Variants in UGT1A10 observed in about 807,000 individuals in gnomAD.
UGT1A10 encodes UDP glucuronosyltransferase family 1 member A10.
Under a neutral mutation model 45.8 loss-of-function variants are expected in UGT1A10, and 49 were observed. That is an observed-to-expected ratio of 1.07 (90% CI 0.85 to 1.36). The LOEUF (loss-of-function observed/expected upper bound fraction) is 1.36. Among genes scored for constraint, UGT1A10 ranks in the 40% most tolerant of loss-of-function variants. The pLI is 0.00. For synonymous variants in UGT1A10, 284 were observed against 249.7 expected, an observed-to-expected ratio of 1.14 and a Z score of -1.29; for missense variants, 745 against 668.6, an observed-to-expected ratio of 1.11 and a Z score of -1.26.
intron 1 of UGT1A10, among the ~76,000 whole-genome samples, chr2:233,749,576 ACT>A (rs1258073288): frequency 2.6e-5 from 4 of 151,762 alleles, no homozygotes; most frequent in African/African-American, 9.7e-5. Context: ...GAGGCCACTG[ACT>A]CTGTCTCAAC....
chr2:233,648,600 A>T (rs2073661987), intron 1 of UGT1A10, among the ~76,000 whole-genome samples: 1 of 149,408 alleles, frequency 6.7e-6, no homozygotes, highest in African/African-American at 2.5e-5. Context: ...AGCTGGGACT[A>T]CAGGTGCCTG....
At chr2:233,648,021 G>T (rs1477802213) in intron 1 of UGT1A10, 1 of 1,599,886 alleles carries the variant, frequency 6.3e-7, no homozygotes, top group Non-Finnish European at 8.5e-7. Flanking sequence ...GGCCAGAGGT[G>T]AGTTGGCAAC....
chr2:233,705,103 G>A (rs1056170321), intron 1 of UGT1A10, among the ~76,000 whole-genome samples: 8 of 150,714 alleles, frequency 5.3e-5, no homozygotes, highest in Non-Finnish European at 1.2e-4. Flanking sequence ...GCCATTGCAC[G>A]CCAGCCTGGG....
In UGT1A10 at chr2:233,729,706, A is replaced by G. The variant is rs765358278; in HGVS notation, c.856-37328A>G. 8 of 1,613,874 alleles carry G rather than the reference A, an allele frequency of 5.0e-6. No homozygotes were observed. The East Asian group carries it at 1.6e-4, about 31-fold the overall frequency. ...ACAGTGTCCAAACCCTTCCTCCTAT[A>G]TTCCTAGATTACTAACAACCAATTC... On this transcript the variant is annotated intron_variant, in intron 1 of 4. Transcript: ENST00000344644.
intron 1 of UGT1A10, among the ~76,000 whole-genome samples, chr2:233,639,503 G>T (rs1054995828): frequency 2.0e-5 from 3 of 152,180 alleles, no homozygotes; most frequent in Admixed American, 1.3e-4. Flanking sequence ...CATGCAGTTG[G>T]TTACATCTTG....
chr2:233,687,090 G>A (rs978778348), intron 1 of UGT1A10, among the ~76,000 whole-genome samples: 1 of 152,214 alleles, frequency 6.6e-6, no homozygotes, highest in Non-Finnish European at 1.5e-5. Context: ...TACTTCAGCT[G>A]TGACACTTGC....
In UGT1A10 at chr2:233,760,260, G is replaced by A. The variant is rs753448247; in HGVS notation, c.856-6774G>A. ...TATATATATATATAAGTAGGAGAGG[G>A]CGAACCTCTGGCAGGAGCAAAGGCG... On this transcript the variant is annotated intron_variant, in intron 1 of 4. Coordinates refer to ENST00000344644, the MANE Select transcript of UGT1A10 (RefSeq NM_019075.4). 3.1e-6 allele frequency: 5 copies of A among 1,611,260 alleles called. 1 individual carries two copies. Among genetic ancestry groups the A allele is most frequent in the South Asian group, 2.2e-5 (2 of 90,906 alleles).
intron 1 of UGT1A10, among the ~76,000 whole-genome samples, chr2:233,724,261 G>C (rs1182689801): frequency 8.1e-5 from 8 of 98,862 alleles, no homozygotes; most frequent in East Asian, 3.8e-4. Context: ...CTCACCTCCC[G>C]GACGGGGCGG....
At position 233,728,183 on chromosome 2, in the gene UGT1A10, A is replaced by G. The variant is rs539668176; in HGVS notation, c.856-38851A>G. ...GTTCTGGAGGAACCATTCTTATCAG[A>G]ACTTGGTGCTGGATTGACTTGGAGA... On this transcript the variant is annotated intron_variant, in intron 1 of 4. Coordinates refer to ENST00000344644, the MANE Select transcript of UGT1A10 (RefSeq NM_019075.4). Among the ~76,000 whole-genome samples the G allele has an allele frequency of 2.0e-5, 3 of 152,306 alleles. No individual in the cohort carries two copies. In the South Asian group the frequency reaches 6.2e-4, roughly 32 times the overall value.
At chr2:233,721,562 G>C (rs1409521853) in intron 1 of UGT1A10, 1 of 161,154 alleles carries the variant, frequency 6.2e-6, no homozygotes, top group Non-Finnish European at 1.4e-5. Context: ...GTTTCTTCTG[G>C]GATATCTTTT....
At chr2:233,704,256 C>CTTTTTTTTTTTT (rs59925871) in intron 1 of UGT1A10, among the ~76,000 whole-genome samples, 5 of 123,642 alleles carry the variant, frequency 4.0e-5, no homozygotes, top group African/African-American at 6.5e-5. Context: ...GCCTTTATTG[C>CTTTTTTTTTTTT]TTTTTTTTTT....
At chr2:233,672,052 A>G in intron 1 of UGT1A10, 1 of 1,614,138 alleles carries the variant, frequency 6.2e-7, no homozygotes, top group East Asian at 2.2e-5. Context: ...CCACTGGTTC[A>G]CCATGAGGTC....
At chr2:233,768,197 A>G in intron 3 of UGT1A10, 23 bp from the exon 4 acceptor site, 3 of 1,614,174 alleles carry the variant, frequency 1.9e-6, no homozygotes, top group Non-Finnish European at 2.5e-6. Context: ...AACTGCTGAC[A>G]TCCTCCCTAT....
chr2:233,720,226 G>A (rs989732732), intron 1 of UGT1A10, among the ~76,000 whole-genome samples: 1 of 152,194 alleles, frequency 6.6e-6, no homozygotes, highest in South Asian at 2.1e-4. Context: ...CATGTGATCA[G>A]AGAATGAAAC....
chr2:233,729,547 C>A (rs529213131), intron 1 of UGT1A10: 1 of 1,614,168 alleles, frequency 6.2e-7, no homozygotes, highest in South Asian at 1.1e-5. Flanking sequence ...GATCAGGCAC[C>A]TGAATGCTAC....
intron 1 of UGT1A10, among the ~76,000 whole-genome samples, chr2:233,645,348 C>A (rs1042232784): frequency 6.6e-6 from 1 of 152,148 alleles, no homozygotes; most frequent in African/African-American, 2.4e-5. Flanking sequence ...TGATTCCACC[C>A]TGGTCCCTCC....
At chr2:233,757,428 A>G (rs987166652) in intron 1 of UGT1A10, among the ~76,000 whole-genome samples, 8 of 151,196 alleles carry the variant, frequency 5.3e-5, no homozygotes, top group South Asian at 2.1e-4. Flanking sequence ...AAGAGAAGAA[A>G]AGTCACTTCT....
chr2:233,720,299 G>A (rs1559365753), intron 1 of UGT1A10, among the ~76,000 whole-genome samples: 1 of 152,118 alleles, frequency 6.6e-6, no homozygotes, highest in Admixed American at 6.5e-5. Flanking sequence ...AGGAGTTGGG[G>A]GTCTGGTGTA....
intron 1 of UGT1A10, among the ~76,000 whole-genome samples, chr2:233,659,397 C>T (rs1212185358): frequency 6.6e-6 from 1 of 152,034 alleles, no homozygotes; most frequent in Non-Finnish European, 1.5e-5. Context: ...GTGTTATATA[C>T]TGTATTATTG....
Sources: gnomAD v4.1 joint callset for allele counts (sites outside exome capture counted in the v4.1 genomes callset) on GRCh38, gnomAD v4.1.1 for gene constraint, MANE v1.5 for transcripts, NCBI Gene and HGNC (gene_info 2026-07-23, HGNC 2026-07-21) for gene names.